Variants in ZFAT observed in about 807,000 individuals in gnomAD.
ZFAT encodes zinc finger protein ZFAT.
Under a neutral mutation model 117.7 loss-of-function variants are expected in ZFAT, and 64 were observed. The ratio of observed to expected loss-of-function variants is 0.54; its 90% CI spans 0.44 to 0.67. The LOEUF is 0.67. ZFAT is among the 30% of genes least tolerant of loss of function. The pLI is 0.00. For synonymous variants in ZFAT, 679 were observed against 615.0 expected (o/e 1.10, Z -1.54); for missense variants, 1,433 against 1,584.5 (o/e 0.90, Z 1.62).
the ZFAT span, among the ~76,000 whole-genome samples, chr8:134,757,292 C>T: frequency 7.2e-5 from 11 of 152,140 alleles, no homozygotes; most frequent in Non-Finnish European, 1.2e-4. Flanking sequence ...GCTGGGATTA[C>T]AGCCGTGAGC....
At chr8:134,505,695 A>G (rs1004696208) in intron 15 of ZFAT, among the ~76,000 whole-genome samples, 1 of 152,174 alleles carries the variant, frequency 6.6e-6, no homozygotes, top group Admixed American at 6.5e-5. Flanking sequence ...GCCTCGGGTC[A>G]AGGAGTGCAG....
At chr8:134,651,059 T>C (rs140101385) in intron 2 of ZFAT, among the ~76,000 whole-genome samples, 54 of 152,352 alleles carry the variant, frequency 3.5e-4, no homozygotes, top group African/African-American at 1.3e-3. Context: ...AGAAATTGGA[T>C]CCTTTATATG....
At chr8:134,707,399 C>T (rs932662786) in intron 1 of ZFAT, among the ~76,000 whole-genome samples, 5 of 152,060 alleles carry the variant, frequency 3.3e-5, no homozygotes, top group Non-Finnish European at 5.9e-5. Flanking sequence ...GCATAAACAT[C>T]TAGGTAAACT....
chr8:134,525,263 G>A (rs1430404421), intron 12 of ZFAT, among the ~76,000 whole-genome samples: 1 of 152,162 alleles, frequency 6.6e-6, no homozygotes, highest in Non-Finnish European at 1.5e-5. Flanking sequence ...CTCACAAACA[G>A]TCCCCTCTAT....
chr8:134,768,352 C>T, the ZFAT span, among the ~76,000 whole-genome samples: 3 of 152,126 alleles, frequency 2.0e-5, no homozygotes, highest in Admixed American at 1.3e-4. Flanking sequence ...TAATAAATGT[C>T]GTGTGTGTTC....
At chr8:134,660,202 C>A (rs1421024640) in intron 1 of ZFAT, among the ~76,000 whole-genome samples, 1 of 152,034 alleles carries the variant, frequency 6.6e-6, no homozygotes, top group Non-Finnish European at 1.5e-5. Context: ...AAACTGAGGC[C>A]GAGAGAGGAA....
At chr8:134,728,770 T>C in the ZFAT span, among the ~76,000 whole-genome samples, 3 of 152,362 alleles carry the variant, frequency 2.0e-5, no homozygotes, top group East Asian at 3.9e-4. Flanking sequence ...GCAGAGTCTA[T>C]ATTAAAATCA....
intron 9 of ZFAT, among the ~76,000 whole-genome samples, chr8:134,584,393 G>A (rs1459530723): frequency 6.6e-6 from 1 of 152,184 alleles, no homozygotes; most frequent in East Asian, 1.9e-4. Context: ...CCCACAGTCT[G>A]GGAACTCCTT....
In ZFAT at chr8:134,600,724, T is replaced by C. The variant is rs569174605; in HGVS notation, c.2243-56A>G. ...AAGTTTCATTTTGACTGATTTTGAA[T>C]TTTTTAAATTATTATTATTTTTTAT... On this transcript the variant is annotated intron_variant, in intron 6 of 15. Transcript: ENST00000377838. 87 of 1,349,634 alleles carry C rather than the reference T, an allele frequency of 6.4e-5. 1 individual carries two copies. The South Asian group carries it at 1.3e-3, about 20-fold the overall frequency. The allele number at this position is 1,349,634 out of a possible 1,614,324, so 83.6% of individuals were successfully genotyped here.
intron 3 of ZFAT, among the ~76,000 whole-genome samples, chr8:134,611,806 A>C (rs1288975542): frequency 1.3e-5 from 2 of 152,236 alleles, no homozygotes; most frequent in East Asian, 3.9e-4. Flanking sequence ...CAGGTGTCTA[A>C]GCCGGGAAGG....
intron 1 of ZFAT, among the ~76,000 whole-genome samples, chr8:134,672,574 C>A (rs1342501338): frequency 6.6e-6 from 1 of 151,960 alleles, no homozygotes; most frequent in Non-Finnish European, 1.5e-5. Flanking sequence ...AAAAAGAAAT[C>A]CATGCCAAGA....
chr8:134,710,807 T>TC (rs1163647647), intron 1 of ZFAT, among the ~76,000 whole-genome samples: 1 of 152,226 alleles, frequency 6.6e-6, no homozygotes, highest in African/African-American at 2.4e-5. Flanking sequence ...TGTCACTATC[T>TC]CAGCCACACA....
In ZFAT at chr8:134,698,280, C is replaced by T. The variant is rs116274259; in HGVS notation, c.19+14565G>A. ...GGTGGAGCTGAGTGAGCTGAGATCACGCCACTTCACTCCAGCCTGGGTGAA... is the reference window on the plus strand; with the variant it reads ...GGTGGAGCTGAGTGAGCTGAGATCATGCCACTTCACTCCAGCCTGGGTGAA... On this transcript the variant is annotated intron_variant, in intron 1 of 15. Transcript: ENST00000377838. Among the ~76,000 whole-genome samples the T allele has an allele frequency of 8.7e-5, 13 of 150,230 alleles. No homozygotes were observed. In the East Asian group the frequency reaches 2.4e-3, roughly 27 times the overall value.
chr8:134,758,462 A>G, the ZFAT span, among the ~76,000 whole-genome samples: 1 of 152,254 alleles, frequency 6.6e-6, no homozygotes, highest in Non-Finnish European at 1.5e-5. Flanking sequence ...AGCACTAAGC[A>G]TCTTGCTTTA....
rs775792314 is a variant in ZFAT, at chr8:134,601,868, G to A, written c.1851C>T (p.Asp617=). ...EAHAAPEKPP[D]MQHRSSVQTQ... ...TCTGGACTGAGCTTCTGTGCTGCAT[G>A]TCTGGGGGCTTCTCAGGAGCAGCAT... Residue 617 remains aspartate, a synonymous_variant, in exon 6 of 16, where the codon GAC becomes GAT. Transcript: ENST00000377838. The A allele has an allele frequency of 6.2e-7, 1 of 1,613,110 alleles. No homozygotes were observed. Among genetic ancestry groups the A allele is most frequent in the Non-Finnish European group, 8.5e-7 (1 of 1,179,430 alleles).
At chr8:134,560,784 T>C (rs1236780016) in intron 11 of ZFAT, among the ~76,000 whole-genome samples, 1 of 152,160 alleles carries the variant, frequency 6.6e-6, no homozygotes, top group Non-Finnish European at 1.5e-5. Context: ...AATAGCTAGA[T>C]GGAAGGGTTT....
chr8:134,578,411 CA>C (rs778606284), intron 10 of ZFAT, among the ~76,000 whole-genome samples: 1,791 of 68,404 alleles, frequency 0.026, 19 homozygotes, highest in African/African-American at 0.093. Context: ...AACTCTGTCT[CA>C]AAAAAAAAAA....
intron 11 of ZFAT, among the ~76,000 whole-genome samples, chr8:134,556,168 G>A (rs1199806688): frequency 6.6e-6 from 1 of 152,114 alleles, no homozygotes; most frequent in Non-Finnish European, 1.5e-5. Flanking sequence ...CATCACATTT[G>A]GTGGTCTTAA....
intron 3 of ZFAT, among the ~76,000 whole-genome samples, chr8:134,634,705 CT>C (rs2131087276): frequency 6.6e-6 from 1 of 152,274 alleles, no homozygotes; most frequent in East Asian, 1.9e-4. Flanking sequence ...AAACAGAATA[CT>C]TTATGTCACT....
Sources: allele counts gnomAD v4.1 joint callset (sites outside exome capture counted in the v4.1 genomes callset), GRCh38; gene constraint gnomAD v4.1.1; transcripts MANE v1.5; gene names NCBI Gene and HGNC (gene_info 2026-07-23, HGNC 2026-07-21).